Variants in ANO4 observed in about 807,000 individuals in gnomAD.
ANO4 encodes anoctamin 4.
A neutral mutation model predicts 141.9 loss-of-function variants in ANO4; 69 were observed. That is an observed-to-expected ratio of 0.49 (90% confidence interval 0.40 to 0.59). ANO4 has a LOEUF of 0.59. ANO4 is among the 20% of genes least tolerant of loss of function. The pLI, the probability that ANO4 is intolerant of heterozygous loss-of-function variation, is 0.00. For missense variants in ANO4, 894 were observed against 1,162.2 expected (o/e 0.77, Z 3.36); for synonymous variants, 350 against 394.3 (o/e 0.89, Z 1.33).
intron 10 of ANO4, 99 bp downstream of exon 10, chr12:101,037,249 A>T: frequency 7.7e-7 from 1 of 1,304,248 alleles, no homozygotes; most frequent in Non-Finnish European, 1.1e-6. Context: ...ACATTTGCTC[A>T]GAATGAATTT....
chr12:100,848,248 A>G (rs781164347), intron 1 of ANO4, among the ~76,000 whole-genome samples: 3 of 152,132 alleles, frequency 2.0e-5, no homozygotes, highest in Admixed American at 2.0e-4. Context: ...GGATAGCCCA[A>G]TAAAACCAAC....
intron 6 of ANO4, among the ~76,000 whole-genome samples, chr12:100,972,477 A>G (rs1056930215): frequency 6.6e-6 from 1 of 152,222 alleles, no homozygotes; most frequent in African/African-American, 2.4e-5. Flanking sequence ...TCCTGGAGGC[A>G]AAATTCTCAA....
At chr12:101,117,081 T>C (rs376770224) in intron 25 of ANO4, among the ~76,000 whole-genome samples, 11 of 152,200 alleles carry the variant, frequency 7.2e-5, no homozygotes, top group African/African-American at 2.2e-4. Flanking sequence ...TAGTGAAGGT[T>C]ATACCGCTGC....
At chr12:101,007,258 C>T (rs2045911350) in intron 8 of ANO4, among the ~76,000 whole-genome samples, 2 of 152,130 alleles carry the variant, frequency 1.3e-5, no homozygotes, top group Admixed American at 1.3e-4. Context: ...GAGACTGAAG[C>T]AGAATTGCTT....
chr12:100,738,943 T>C (rs1010415507), intron 2 of ANO4, among the ~76,000 whole-genome samples: 10 of 150,902 alleles, frequency 6.6e-5, no homozygotes, highest in Non-Finnish European at 1.3e-4. Flanking sequence ...CTTGGTACTT[T>C]TTTACTTACG....
At chr12:100,753,869 C>A (rs1047257132) in intron 3 of ANO4, among the ~76,000 whole-genome samples, 5 of 152,156 alleles carry the variant, frequency 3.3e-5, no homozygotes, top group African/African-American at 9.7e-5. Context: ...GGACGTGTTC[C>A]CACATGTTCC....
chr12:101,084,341 T>C (rs1388903720), intron 16 of ANO4, among the ~76,000 whole-genome samples: 1 of 152,208 alleles, frequency 6.6e-6, no homozygotes, highest in Non-Finnish European at 1.5e-5. Context: ...CTAAAATTAA[T>C]TTCCTGACTC....
At chr12:100,852,990 G>A (rs79174636) in intron 1 of ANO4, among the ~76,000 whole-genome samples, 15,526 of 152,096 alleles carry the variant, frequency 0.1, 888 homozygotes, top group South Asian at 0.16. Flanking sequence ...TCATTCATGT[G>A]GTGTGTATGT....
At chr12:101,119,780 A>G (rs2051005308) in intron 25 of ANO4, among the ~76,000 whole-genome samples, 1 of 152,212 alleles carries the variant, frequency 6.6e-6, no homozygotes, top group Admixed American at 6.5e-5. Flanking sequence ...GTAATGTTTT[A>G]GTTCTTGGGC....
intron 8 of ANO4, among the ~76,000 whole-genome samples, chr12:101,017,474 C>T (rs1347668493): frequency 6.6e-6 from 1 of 152,120 alleles, no homozygotes; most frequent in East Asian, 1.9e-4. Flanking sequence ...GGAAGTCAAG[C>T]CAGGGCCTCT....
intron 14 of ANO4, among the ~76,000 whole-genome samples, chr12:101,049,686 G>A (rs768486504): frequency 6.6e-6 from 1 of 151,982 alleles, no homozygotes; most frequent in Non-Finnish European, 1.5e-5. Context: ...TTTGATAAGT[G>A]GAAACATAAA....
intron 3 of ANO4, among the ~76,000 whole-genome samples, chr12:100,927,989 CA>C (rs897501086): frequency 7.1e-4 from 108 of 152,246 alleles, no homozygotes; most frequent in African/African-American, 2.5e-3. Context: ...TCTACATAAT[CA>C]TATAGCTGTG....
At chr12:100,792,237 G>A (rs1355139508), upstream of ANO4, among the ~76,000 whole-genome samples, 2 of 152,028 alleles carry the variant, frequency 1.3e-5, no homozygotes, top group African/African-American at 2.4e-5. Context: ...AAGCTTCTGT[G>A]AAACAAAGTT....
In ANO4 at chr12:101,109,701, TC is replaced by T. The variant is rs1282400977; in HGVS notation, c.2150-698del. Among the ~76,000 whole-genome samples, 20 of 152,280 alleles carry T rather than the reference TC, an allele frequency of 1.3e-4. 1 individual carries two copies. Among genetic ancestry groups the T allele is most frequent in the African/African-American group, 4.6e-4 (19 of 41,562 alleles). ...AATATCCTAGTTTCTTCAATACACT[TC>T]CCCCTACTAATTTTAGCATTCTTTG... is the stretch of plus-strand genomic sequence containing the variant. On this transcript the variant is annotated intron_variant, in intron 22 of 27. Transcript: ENST00000392977.
At chr12:100,833,198 T>G (rs1238496972) in intron 1 of ANO4, among the ~76,000 whole-genome samples, 2 of 152,074 alleles carry the variant, frequency 1.3e-5, no homozygotes, top group Non-Finnish European at 2.9e-5. Context: ...CAATCTATCT[T>G]TTCAAAAAGT....
In ANO4 at chr12:100,904,668, G is replaced by A. The variant is rs560367034; in HGVS notation, c.55+2828G>A. Reference sequence around the variant, plus strand: ...CAACTCAGTGAGGTTGTAGGGACTAGATCGGGCAGGACCTTATAGGCCATT... The same window carrying A: ...CAACTCAGTGAGGTTGTAGGGACTAAATCGGGCAGGACCTTATAGGCCATT... On this transcript the variant is annotated intron_variant, in intron 2 of 27. Coordinates refer to ENST00000392977, the MANE Select transcript of ANO4 (RefSeq NM_001286615.2). Among the ~76,000 whole-genome samples, 9 of 152,292 alleles carry A rather than the reference G, an allele frequency of 5.9e-5. No homozygotes were observed. In the East Asian group the frequency reaches 1.7e-3, roughly 29 times the overall value.
chr12:101,034,349 G>A (rs552018676), intron 9 of ANO4, among the ~76,000 whole-genome samples: 1 of 152,298 alleles, frequency 6.6e-6, no homozygotes, highest in East Asian at 1.9e-4. Flanking sequence ...GGACATGTAT[G>A]AAGCTGGATA....
intron 1 of ANO4, among the ~76,000 whole-genome samples, chr12:100,724,947 T>C (rs1241373171): frequency 6.6e-6 from 1 of 152,226 alleles, no homozygotes; most frequent in Non-Finnish European, 1.5e-5. Flanking sequence ...TTTAGAACCT[T>C]TTATAAACAA....
chr12:101,020,910 G>A (rs1347392571), intron 9 of ANO4, among the ~76,000 whole-genome samples: 3 of 152,072 alleles, frequency 2.0e-5, no homozygotes, highest in Non-Finnish European at 4.4e-5. Flanking sequence ...ACCTATATCA[G>A]TCAGGGTCTA....
Sources: allele counts gnomAD v4.1 joint callset (sites outside exome capture counted in the v4.1 genomes callset), GRCh38; gene constraint gnomAD v4.1.1; transcripts MANE v1.5; gene names NCBI Gene and HGNC (gene_info 2026-07-23, HGNC 2026-07-21).